KCTD1: variants seen among roughly 807,000 people sequenced by gnomAD.
The protein encoded by KCTD1 is BTB/POZ domain-containing protein KCTD1.
A neutral mutation model predicts 66.0 loss-of-function variants in KCTD1; 24 were observed. The observed-to-expected ratio is 0.36, with a 90% CI of 0.26 to 0.51. The LOEUF (loss-of-function observed/expected upper bound fraction) is 0.51, where lower values mean the gene tolerates loss of function less well. Among genes scored for constraint, KCTD1 ranks in the 20% least tolerant of loss-of-function variants. The pLI is 0.95. For missense variants in KCTD1, 943 were observed against 1,205.2 expected (o/e 0.78, Z 3.22); for synonymous variants, 511 against 517.2 (o/e 0.99, Z 0.16).
rs114504776 is a variant in KCTD1, at chr18:26,509,239, C to A, written c.1810-7989G>T. 8.0e-3 allele frequency among the ~76,000 whole-genome samples: 1,220 copies of A among 151,692 alleles called. 11 individuals carry two copies. Among genetic ancestry groups the A allele is most frequent in the African/African-American group, 0.028 (1,152 of 41,410 alleles). The stretch of plus-strand genomic sequence containing the variant: ...AATTTATTTAGAGAACAGTTTCTGT[C>A]AATCTTGACCATTTGGGAAACAGCA... On this transcript the variant is annotated intron_variant, in intron 1 of 4. Transcript: ENST00000580059.
intron 1 of KCTD1, among the ~76,000 whole-genome samples, chr18:26,508,548 GAGAA>G (rs965017425): frequency 6.6e-6 from 1 of 152,120 alleles, no homozygotes; most frequent in African/African-American, 2.4e-5. Flanking sequence ...TCTTTCACTG[GAGAA>G]AGAAACAGGT....
chr18:26,504,816 A>G (rs1567971555), intron 1 of KCTD1, among the ~76,000 whole-genome samples: 1 of 152,232 alleles, frequency 6.6e-6, no homozygotes, highest in Non-Finnish European at 1.5e-5. Flanking sequence ...CAATTGTGGC[A>G]ACCTCTTCCT....
At chr18:26,627,262 TTGTGTGTGTGTGTGTG>T (rs59902249) in intron 1 of KCTD1, among the ~76,000 whole-genome samples, 2 of 145,936 alleles carry the variant, frequency 1.4e-5, no homozygotes, top group African/African-American at 2.6e-5. Flanking sequence ...CTTCTGGGTT[TTGTGTGTGTGTGTGTG>T]TGTGTGTGTG....
chr18:26,593,471 GAA>G (rs1598957329), intron 1 of KCTD1, among the ~76,000 whole-genome samples: 1 of 134,556 alleles, frequency 7.4e-6, no homozygotes, highest in Non-Finnish European at 1.6e-5. Context: ...AAGACAAGGA[GAA>G]GGAGGAGGAA....
At chr18:26,554,942 T>C (rs1985670373) in intron 1 of KCTD1, among the ~76,000 whole-genome samples, 1 of 152,214 alleles carries the variant, frequency 6.6e-6, no homozygotes, top group African/African-American at 2.4e-5. Context: ...AACCTAAAAT[T>C]CAGAATGATA....
At chr18:26,583,848 G>A (rs1411378069) in intron 1 of KCTD1, among the ~76,000 whole-genome samples, 9 of 152,144 alleles carry the variant, frequency 5.9e-5, no homozygotes, top group South Asian at 4.2e-4. Flanking sequence ...TCCTAAGGAC[G>A]CTGGAGGAAG....
At chr18:26,648,787 C>T (rs563426891) in intron 1 of KCTD1, among the ~76,000 whole-genome samples, 1 of 152,344 alleles carries the variant, frequency 6.6e-6, no homozygotes, top group Admixed American at 6.5e-5. Flanking sequence ...ACTCCTGGCT[C>T]AGCCACTCAC....
rs1411836243 is a variant in KCTD1, at chr18:26,548,357, C to G, written c.180G>C (p.Glu60Asp). 1 of 1,487,126 alleles carries G rather than the reference C, an allele frequency of 6.7e-7. No homozygotes were observed. The highest frequency in any genetic ancestry group is 2.3e-4 in the Middle Eastern group (1 of 4,386). The allele number at this position is 1,487,126 out of a possible 1,614,324, so 92.1% of individuals were successfully genotyped here. ...YCSAGEEEEE[E>D]EEEDEIQEVQ... ...CCTCCTGGATCTCGTCCTCCTCCTC[C>G]TCTTCCTCCTCCTCCTCGCCCGCGC... Residue 60 changes from glutamate to aspartate, a missense_variant, in exon 1 of 5, where the codon GAG (glutamate) becomes GAC (aspartate). Glu to Asp is a conservative substitution (Grantham distance 45). This residue lies in a region of KCTD1 where 236 missense variants were observed against 206.6 expected (regional missense o/e 1.14). Coordinates refer to ENST00000580059, the MANE Select transcript of KCTD1 (RefSeq NM_001142730.3).
rs1408486662 is a variant in KCTD1 at position 26,561,731 on chromosome 18, C to CA, written c.-15-60482dup. Among the ~76,000 whole-genome samples, 5 of 152,220 alleles carry CA rather than the reference C, an allele frequency of 3.3e-5. No individual in the cohort carries two copies. The East Asian group carries it at 9.6e-4, about 29-fold the overall frequency. ...ATGTGCCCAAGGATGGGTCCCTGGGCAGCTAATCCCTGGGCTAACTAGAAG... is the reference window on the plus strand; with the variant it reads ...ATGTGCCCAAGGATGGGTCCCTGGGCAAGCTAATCCCTGGGCTAACTAGAAG... On this transcript the variant is annotated intron_variant, in intron 1 of 4. Transcript: ENST00000317932.
At chr18:26,621,159 T>C (rs978258207) in intron 1 of KCTD1, among the ~76,000 whole-genome samples, 44 of 152,232 alleles carry the variant, frequency 2.9e-4, no homozygotes, top group African/African-American at 1.0e-3. Flanking sequence ...AAAGCTATGC[T>C]GAAGAATTTA....
intron 1 of KCTD1, among the ~76,000 whole-genome samples, chr18:26,525,020 C>A (rs2144757241): frequency 6.6e-6 from 1 of 152,246 alleles, no homozygotes; most frequent in African/African-American, 2.4e-5. Flanking sequence ...CAAAAAAGTT[C>A]ATTTCCCTAA....
chr18:26,477,924 T>C (rs533017239), intron 2 of KCTD1, among the ~76,000 whole-genome samples: 1 of 152,328 alleles, frequency 6.6e-6, no homozygotes, highest in East Asian at 1.9e-4. Flanking sequence ...TATCCAACTT[T>C]CCACGAATTG....
chr18:26,602,443 G>T (rs1407148067), intron 1 of KCTD1, among the ~76,000 whole-genome samples: 1 of 152,192 alleles, frequency 6.6e-6, no homozygotes, highest in Non-Finnish European at 1.5e-5. Context: ...TCAGGGTAAT[G>T]CTGACTTCAT....
At chr18:26,592,857 T>G (rs1005509382) in intron 1 of KCTD1, among the ~76,000 whole-genome samples, 5 of 152,234 alleles carry the variant, frequency 3.3e-5, no homozygotes, top group African/African-American at 1.2e-4. Flanking sequence ...TGCCACTTGC[T>G]GGCTGTGTGA....
chr18:26,596,274 C>G (rs935938237), intron 1 of KCTD1, among the ~76,000 whole-genome samples: 1 of 152,132 alleles, frequency 6.6e-6, no homozygotes, highest in Non-Finnish European at 1.5e-5. Context: ...AGCTCTCTCT[C>G]TCTCTCTTTC....
At position 26,646,891 on chromosome 18, in the gene KCTD1, G is replaced by GA. The variant is rs201553179; in HGVS notation, c.9+10468dup. 9.3e-5 allele frequency among the ~76,000 whole-genome samples: 14 copies of GA among 151,294 alleles called. No individual in the cohort carries two copies. In the East Asian group the frequency reaches 9.7e-4, roughly 10 times the overall value. On this transcript the variant is annotated intron_variant, in intron 1 of 4. Transcript: ENST00000580191. The stretch of plus-strand genomic sequence containing the variant: ...CATGAACACAAAGGTTTAATGGGAA[G>GA]AAAAAAAAATAAGAAATGCCCCTGA...
chr18:26,552,409 G>T (rs1359365956), upstream of KCTD1, among the ~76,000 whole-genome samples: 1 of 152,180 alleles, frequency 6.6e-6, no homozygotes, highest in Non-Finnish European at 1.5e-5. Flanking sequence ...GGTGCCTGGG[G>T]ACATGGTGAG....
intron 1 of KCTD1, among the ~76,000 whole-genome samples, chr18:26,587,388 T>C (rs1167865804): frequency 6.6e-6 from 1 of 152,230 alleles, no homozygotes; most frequent in African/African-American, 2.4e-5. Flanking sequence ...ATGCACCTAG[T>C]CACCCAGGAG....
chr18:26,546,040 G>A (rs1403245923), intron 1 of KCTD1, among the ~76,000 whole-genome samples: 2 of 152,164 alleles, frequency 1.3e-5, no homozygotes, highest in Middle Eastern at 3.4e-3. Flanking sequence ...CAATGTTTCA[G>A]TGCCCACAGT....
Sources: allele counts gnomAD v4.1 joint callset (sites outside exome capture counted in the v4.1 genomes callset), GRCh38; gene constraint gnomAD v4.1.1; regional missense constraint gnomAD v4.1.1; transcripts MANE v1.5; gene names NCBI Gene and HGNC (gene_info 2026-07-23, HGNC 2026-07-21).